Variants in EPHA4 observed in about 807,000 individuals in gnomAD.
The protein encoded by EPHA4 is EPH receptor A4, also known as ephrin type-A receptor 4.
In EPHA4, 19 loss-of-function variants were observed where a neutral mutation model predicts 108.3. The observed-to-expected ratio is 0.18, with a 90% CI of 0.12 to 0.26. The LOEUF (loss-of-function observed/expected upper bound fraction) is 0.26. Among genes scored for constraint, EPHA4 ranks in the 10% least tolerant of loss-of-function variants. EPHA4 has a pLI of 1.00. For synonymous variants in EPHA4, 449 were observed against 455.5 expected, an observed-to-expected ratio of 0.99 and a Z score of 0.18; for missense variants, 917 against 1,254.0, an observed-to-expected ratio of 0.73 and a Z score of 4.06.
At chr2:221,430,299 T>A (rs1690034467) in intron 14 of EPHA4, 148 bp from the exon 15 acceptor site, 1 of 717,496 alleles carries the variant, frequency 1.4e-6, no homozygotes, top group African/African-American at 1.8e-5. Flanking sequence ...GAGCCAAAGC[T>A]AGACCTGAGT....
intron 3 of EPHA4, among the ~76,000 whole-genome samples, chr2:221,546,953 AG>A (rs397869921): frequency 2.6e-5 from 4 of 151,712 alleles, no homozygotes; most frequent in Admixed American, 1.3e-4. Flanking sequence ...AAAAAATAAA[AG>A]GGGGGGGACA....
chr2:221,458,555 T>A (rs1037343356), intron 5 of EPHA4, among the ~76,000 whole-genome samples: 1 of 152,162 alleles, frequency 6.6e-6, no homozygotes, highest in Non-Finnish European at 1.5e-5. Flanking sequence ...CACAACCATG[T>A]AAATAGTGAA....
chr2:221,501,499 T>C (rs1430904252), intron 3 of EPHA4, among the ~76,000 whole-genome samples: 2 of 152,310 alleles, frequency 1.3e-5, no homozygotes, highest in East Asian at 3.9e-4. Flanking sequence ...TGCTGCTTAA[T>C]TCTTACAGCA....
intron 4 of EPHA4, among the ~76,000 whole-genome samples, chr2:221,496,384 C>T (rs1291532660): frequency 1.3e-5 from 2 of 152,066 alleles, no homozygotes; most frequent in Non-Finnish European, 2.9e-5. Flanking sequence ...TAAATAGCCA[C>T]GTGTCAAGTG....
chr2:221,498,625 T>G (rs1309873336), intron 4 of EPHA4, among the ~76,000 whole-genome samples: 1 of 151,766 alleles, frequency 6.6e-6, no homozygotes, highest in Non-Finnish European at 1.5e-5. Context: ...TTCGTTTTTT[T>G]TTTTCTAAGA....
intron 3 of EPHA4, among the ~76,000 whole-genome samples, chr2:221,506,527 A>AT (rs1692636007): frequency 6.6e-6 from 1 of 152,246 alleles, no homozygotes; most frequent in African/African-American, 2.4e-5. Context: ...GCTTAAACTA[A>AT]TACGCTATAG....
In EPHA4 at chr2:221,572,217, G is replaced by A; in HGVS notation, c.32C>T (p.Ser11Leu). 6.2e-7 allele frequency: 1 copy of A among 1,614,140 alleles called. No homozygotes were observed. The highest frequency in any genetic ancestry group is 2.2e-5 in the East Asian group (1 of 44,876). MAGIFYFALFSCLFGICDAVT... is the reference protein window; with the variant it reads MAGIFYFALFLCLFGICDAVT... ...AGCGTCGCAAATCCCGAAGAGACAC[G>A]AAAATAGGGCGAAATAGAAAATCCC... Residue 11 changes from serine to leucine, a missense_variant, in exon 1 of 18, where the codon TCG (serine) becomes TTG (leucine). By Grantham distance (145) the Ser-to-Leu change is moderately radical. Transcript: ENST00000281821.
chr2:221,550,842 G>A (rs991038665), intron 3 of EPHA4, among the ~76,000 whole-genome samples: 4 of 150,910 alleles, frequency 2.7e-5, no homozygotes, highest in Admixed American at 6.6e-5. Context: ...GGTTTATCAC[G>A]AGAAAAAATC....
intron 8 of EPHA4, among the ~76,000 whole-genome samples, chr2:221,450,680 A>AT (rs1690753943): frequency 6.6e-6 from 1 of 151,912 alleles, no homozygotes; most frequent in Admixed American, 6.6e-5. Flanking sequence ...TAACCACTTC[A>AT]TTTTTTTCTT....
In EPHA4 at chr2:221,446,145, A is replaced by T; in HGVS notation, c.1752T>A (p.Asp584Glu). 6.4e-7 allele frequency: 1 copy of T among 1,555,342 alleles called. No homozygotes were observed. Among genetic ancestry groups the T allele is most frequent in the Non-Finnish European group, 8.7e-7 (1 of 1,153,454 alleles). ...SKYSKAKQEA[D>E]EEKHLNQGVR... is the part of the protein sequence containing the mutation. ...TACCTTGATTCAAATGTTTCTCTTC[A>T]TCCGCTTCTTGTTTGGCTTTACTGT... Residue 584 changes from aspartate to glutamate, a missense_variant, in exon 9 of 18, where the codon GAT (aspartate) becomes GAA (glutamate). Physicochemically the swap from Asp to Glu is conservative, Grantham distance 45 (BLOSUM62 2). Coordinates refer to ENST00000281821, the MANE Select transcript of EPHA4 (RefSeq NM_004438.5).
chr2:221,510,680 C>A (rs894019682), intron 3 of EPHA4, among the ~76,000 whole-genome samples: 1 of 152,160 alleles, frequency 6.6e-6, no homozygotes, highest in Non-Finnish European at 1.5e-5. Flanking sequence ...ATAAAGCCTG[C>A]TAAATCTAAA....
chr2:221,492,868 T>C (rs1054896028), intron 4 of EPHA4, among the ~76,000 whole-genome samples: 2 of 152,240 alleles, frequency 1.3e-5, no homozygotes, highest in African/African-American at 4.8e-5. Context: ...ATCTGAGTTT[T>C]TGTCCTATGA....
chr2:221,524,833 T>C (rs1341681838), intron 3 of EPHA4, among the ~76,000 whole-genome samples: 4 of 152,220 alleles, frequency 2.6e-5, no homozygotes, highest in Non-Finnish European at 5.9e-5. Context: ...GCACGGCTAC[T>C]GCTCATGAAT....
Position 221,460,624 on chromosome 2 carries a change from C to T in EPHA4, c.1319-2634G>A, listed in dbSNP as rs367784452. 1.7e-4 allele frequency among the ~76,000 whole-genome samples: 26 copies of T among 152,306 alleles called. No individual in the cohort carries two copies. In the South Asian group the frequency reaches 4.8e-3, roughly 28 times the overall value. ...AGAAAATCTGGGCTTTGCCATACTG[C>T]CACTTTGGAAAGGAGGCAACCTGGA... On this transcript the variant is annotated intron_variant, in intron 5 of 17. Transcript: ENST00000281821.
At chr2:221,502,484 G>A (rs190504039) in intron 3 of EPHA4, 538 of 470,092 alleles carry the variant, frequency 1.1e-3, no homozygotes, top group African/African-American at 9.4e-3. Flanking sequence ...CATCAGCCTG[G>A]CAGCCAAAAC....
intron 3 of EPHA4, among the ~76,000 whole-genome samples, chr2:221,560,186 G>A (rs1273519052): frequency 3.2e-5 from 4 of 125,956 alleles, no homozygotes; most frequent in South Asian, 5.5e-4. Context: ...CTGACCTCCC[G>A]GACCCCAAGG....
rs571793060 is a variant in EPHA4, at chr2:221,491,452, C to T, written c.980-8762G>A. 2.3e-3 allele frequency among the ~76,000 whole-genome samples: 352 copies of T among 152,246 alleles called. 1 individual carries two copies. The highest frequency in any genetic ancestry group is 3.6e-3 in the Non-Finnish European group (242 of 68,020). On this transcript the variant is annotated intron_variant, in intron 4 of 17. Coordinates refer to ENST00000281821, the MANE Select transcript of EPHA4 (RefSeq NM_004438.5). ...TGCCAAAATTAAGACAGCCAACATGCGCAAAGCTGTGATCAGAAACCCTGA... is the reference window on the plus strand; with the variant it reads ...TGCCAAAATTAAGACAGCCAACATGTGCAAAGCTGTGATCAGAAACCCTGA...
chr2:221,529,722 T>C (rs1166880968), intron 3 of EPHA4, among the ~76,000 whole-genome samples: 1 of 152,190 alleles, frequency 6.6e-6, no homozygotes, highest in Non-Finnish European at 1.5e-5. Context: ...TACAACACTT[T>C]CTGCAAAGTT....
rs762835852 is a variant in EPHA4 at position 221,563,749 on chromosome 2, G to C, written c.805C>G (p.Arg269Gly). Residue 269 changes from arginine (R) to glycine (G), a missense_variant, in exon 3 of 18, where the codon CGG becomes GGG. Transcript: ENST00000281821. Reference sequence around the variant, plus strand: ...CTCTTACCTTGGCATTCTCCGCTCCGCTCCTCATGCCCAGCGTTGCATAGG... The same window carrying C: ...CTCTTACCTTGGCATTCTCCGCTCCCCTCCTCATGCCCAGCGTTGCATAGG... ...NCLCNAGHEERSGECQACKIG... is the reference protein window; with the variant it reads ...NCLCNAGHEEGSGECQACKIG... 1.2e-6 allele frequency: 2 copies of C among 1,614,066 alleles called. No individual in the cohort carries two copies. Among genetic ancestry groups the C allele is most frequent in the Non-Finnish European group, 1.7e-6 (2 of 1,179,978 alleles).
Sources: allele counts gnomAD v4.1 joint callset (sites outside exome capture counted in the v4.1 genomes callset), GRCh38; gene constraint gnomAD v4.1.1; transcripts MANE v1.5; gene names NCBI Gene and HGNC (gene_info 2026-07-23, HGNC 2026-07-21).